ABCC4: variants seen among roughly 807,000 people sequenced by gnomAD.
ABCC4 encodes the protein ATP-binding cassette sub-family C member 4.
Under a neutral mutation model 168.5 loss-of-function variants are expected in ABCC4, and 102 were observed. That is an observed-to-expected ratio of 0.61 (90% CI 0.52 to 0.71). The LOEUF (loss-of-function observed/expected upper bound fraction) is 0.71. ABCC4 is among the 30% of genes least tolerant of loss of function. ABCC4 has a pLI of 0.00. For synonymous variants in ABCC4, 617 were observed against 590.7 expected, an observed-to-expected ratio of 1.04 and a Z score of -0.65; for missense variants, 1,402 against 1,605.8, an observed-to-expected ratio of 0.87 and a Z score of 2.17.
intron 1 of ABCC4, among the ~76,000 whole-genome samples, chr13:95,264,750 G>T (rs1192709395): frequency 6.6e-6 from 1 of 151,940 alleles, no homozygotes; most frequent in Non-Finnish European, 1.5e-5. Flanking sequence ...TATGGAGTTT[G>T]AAGATAAATT....
At chr13:95,131,002 C>T (rs1207508342) in intron 19 of ABCC4, among the ~76,000 whole-genome samples, 1 of 152,058 alleles carries the variant, frequency 6.6e-6, no homozygotes, top group Admixed American at 6.5e-5. Flanking sequence ...CTTTTGTAGA[C>T]TCTTGCAAAT....
chr13:95,166,895 T>C (rs375888995), intron 14 of ABCC4, among the ~76,000 whole-genome samples: 12 of 152,084 alleles, frequency 7.9e-5, no homozygotes, highest in East Asian at 1.9e-4. Flanking sequence ...TACTCTAAAA[T>C]TGCCCCACAG....
chr13:95,037,025 A>C (rs900807855), intron 29 of ABCC4, among the ~76,000 whole-genome samples: 1 of 141,402 alleles, frequency 7.1e-6, no homozygotes, highest in Admixed American at 7.8e-5. Flanking sequence ...TGGAGGATGC[A>C]GTGAGCCAAG....
chr13:95,157,932 C>T (rs764429951), intron 19 of ABCC4, among the ~76,000 whole-genome samples: 3 of 151,836 alleles, frequency 2.0e-5, no homozygotes, highest in African/African-American at 7.3e-5. Context: ...ATTAGCCGGG[C>T]GTGGTGGTGG....
At chr13:95,090,021 C>G (rs1338159766) in intron 20 of ABCC4, among the ~76,000 whole-genome samples, 1 of 152,096 alleles carries the variant, frequency 6.6e-6, no homozygotes, top group Non-Finnish European at 1.5e-5. Flanking sequence ...ACTTCAAGAA[C>G]AAACCAGCAA....
intron 20 of ABCC4, among the ~76,000 whole-genome samples, chr13:95,087,506 C>G (rs2034297115): frequency 6.6e-6 from 1 of 152,124 alleles, no homozygotes; most frequent in Non-Finnish European, 1.5e-5. Flanking sequence ...ATAAAACCTA[C>G]TTCTCAATGA....
chr13:95,147,955 G>C (rs893969351), intron 19 of ABCC4, among the ~76,000 whole-genome samples: 1 of 151,996 alleles, frequency 6.6e-6, no homozygotes, highest in Non-Finnish European at 1.5e-5. Flanking sequence ...CAACCAAAAA[G>C]AAAACATGCA....
intron 19 of ABCC4, among the ~76,000 whole-genome samples, chr13:95,150,044 G>A (rs1287819909): frequency 6.6e-6 from 1 of 152,126 alleles, no homozygotes; most frequent in African/African-American, 2.4e-5. Context: ...AGTAATCATA[G>A]CTCACTGCAG....
chr13:95,026,072 T>C (rs1324876264), intron 30 of ABCC4, among the ~76,000 whole-genome samples: 1 of 151,828 alleles, frequency 6.6e-6, no homozygotes, highest in Non-Finnish European at 1.5e-5. Context: ...CATAATGAAA[T>C]CTTGTAAAAC....
intron 10 of ABCC4, among the ~76,000 whole-genome samples, chr13:95,188,011 C>G (rs985523821): frequency 6.6e-6 from 1 of 152,180 alleles, no homozygotes; most frequent in East Asian, 1.9e-4. Flanking sequence ...GGACTATACA[C>G]CTGGCTACAG....
At chr13:95,213,293 A>G (rs1231953905) in intron 4 of ABCC4, among the ~76,000 whole-genome samples, 1 of 152,188 alleles carries the variant, frequency 6.6e-6, no homozygotes, top group Non-Finnish European at 1.5e-5. Context: ...TGTGAGCCTC[A>G]AGAGACGGGA....
rs994768069 is a variant in ABCC4, at chr13:95,223,690, T to C, written c.531+10920A>G. ...CTAAATTTTGTATTTTTAGTAGAGA[T>C]AGGGTTTCACCATGTTGGCCAGGCT... On this transcript the variant is annotated intron_variant, in intron 4 of 30. Coordinates refer to ENST00000645237, the MANE Select transcript of ABCC4 (RefSeq NM_005845.5). Among the ~76,000 whole-genome samples, 8 of 152,110 alleles carry C rather than the reference T, an allele frequency of 5.3e-5. No individual in the cohort carries two copies. The East Asian group carries it at 5.8e-4, about 11-fold the overall frequency.
intron 20 of ABCC4, among the ~76,000 whole-genome samples, chr13:95,112,228 C>T (rs976398231): frequency 1.3e-5 from 2 of 151,922 alleles, no homozygotes; most frequent in Non-Finnish European, 2.9e-5. Context: ...TGGTGGTCAT[C>T]TGTAATCACA....
In ABCC4 at chr13:95,097,616, T is replaced by TC. The variant is rs1555311583; in HGVS notation, c.2536-14327dup. 5.4e-3 allele frequency among the ~76,000 whole-genome samples: 646 copies of TC among 119,942 alleles called. 5 individuals carry two copies. The highest frequency in any genetic ancestry group is 0.017 in the African/African-American group (602 of 35,984). The allele number at this position is 119,942 out of a possible 152,430, so 78.7% of individuals were successfully genotyped here. A position where few individuals can be genotyped will look rare whatever the true frequency, so the allele number is the denominator to read the frequency against. On this transcript the variant is annotated intron_variant, in intron 20 of 30. Coordinates refer to ENST00000645237, the MANE Select transcript of ABCC4 (RefSeq NM_005845.5). Reference sequence around the variant, plus strand: ...TCTTTTTTTTTTTTTTTTTTTTTTTTCAAATGCACAGGGGACCGTTACCAA... The same window carrying TC: ...TCTTTTTTTTTTTTTTTTTTTTTTTTCCAAATGCACAGGGGACCGTTACCAA...
At chr13:95,148,276 T>A (rs2036562650) in intron 19 of ABCC4, among the ~76,000 whole-genome samples, 1 of 152,092 alleles carries the variant, frequency 6.6e-6, no homozygotes, top group Non-Finnish European at 1.5e-5. Flanking sequence ...TACAAATAAG[T>A]TGAAGCAGAA....
rs2038826656 is a variant in ABCC4 at position 95,207,880 on chromosome 13, A to G, written c.831T>C (p.Asn277=). 1 of 1,613,828 alleles carries G rather than the reference A, an allele frequency of 6.2e-7. No individual in the cohort carries two copies. Among genetic ancestry groups the G allele is most frequent in the African/African-American group, 1.3e-5 (1 of 75,006 alleles). ...TFTDARIRTM[N]EVITGIRIIK... ...TTATCCTTATACCAGTTATAACTTC[A>G]TTCATGGTCCTGATCCTGGCATCCG... is the stretch of plus-strand genomic sequence containing the variant. Residue 277 remains asparagine (N), a synonymous_variant, in exon 7 of 31, where the codon AAT becomes AAC. Transcript: ENST00000645237.
chr13:95,161,227 A>G lies in ABCC4; in HGVS notation c.2417T>C (p.Leu806Pro). The stretch of plus-strand genomic sequence containing the variant: ...ATCAAAGAATAATACCGGAGCTTTC[A>G]GAATTGACTCAAACATTTTGTTGTG... ...TLHNKMFESI[L>P]KAPVLFFDRN... The change falls in exon 19 of 31, where the codon CTG becomes CCG. Residue 806 changes from leucine (L) to proline (P), a missense_variant. By Grantham distance (98) the Leu-to-Pro change is moderately conservative. Transcript: ENST00000645237. 6.2e-7 allele frequency: 1 copy of G among 1,610,424 alleles called. No individual in the cohort carries two copies. Among genetic ancestry groups the G allele is most frequent in the Non-Finnish European group, 8.5e-7 (1 of 1,179,368 alleles).
chr13:95,299,271 A>AG (rs1324135342), intron 1 of ABCC4, among the ~76,000 whole-genome samples: 1 of 150,114 alleles, frequency 6.7e-6, no homozygotes, highest in African/African-American at 2.5e-5. Flanking sequence ...CTGTCTCAAA[A>AG]AAAAAAAAAA....
intron 13 of ABCC4, among the ~76,000 whole-genome samples, chr13:95,175,772 G>A (rs2037657980): frequency 6.6e-6 from 1 of 152,244 alleles, no homozygotes; most frequent in Non-Finnish European, 1.5e-5. Flanking sequence ...GCCCTCGGGA[G>A]GAGCTGCACC....
Sources: gnomAD v4.1 joint callset for allele counts (sites outside exome capture counted in the v4.1 genomes callset) on GRCh38, gnomAD v4.1.1 for gene constraint, MANE v1.5 for transcripts, NCBI Gene and HGNC (gene_info 2026-07-23, HGNC 2026-07-21) for gene names.